Variants in PAQR8 observed in about 807,000 individuals in gnomAD.
The protein encoded by PAQR8 is membrane progestin receptor beta.
In PAQR8, 17 loss-of-function variants were observed where a neutral mutation model predicts 25.2. That is an observed-to-expected ratio of 0.67 (90% CI 0.46 to 1.01). The LOEUF is 1.01. Ranked by LOEUF, PAQR8 falls within the 50% of genes least tolerant of loss-of-function variation. The pLI is 0.00. For missense variants in PAQR8, 392 were observed against 448.4 expected (o/e 0.87, Z 1.14); for synonymous variants, 204 against 190.6 (o/e 1.07, Z -0.58).
At chr6:52,401,294 A>G (rs932248325) in intron 1 of PAQR8, among the ~76,000 whole-genome samples, 2 of 152,284 alleles carry the variant, frequency 1.3e-5, no homozygotes, top group Admixed American at 1.3e-4. Context: ...TACTTGCTGT[A>G]TGTGCTTGCT....
Position 52,406,677 on chromosome 6 carries a change from C to G in PAQR8, c.*2399C>G, listed in dbSNP as rs970646980. The G allele has an allele frequency of 2.5e-6, 1 of 404,678 alleles. No homozygotes were observed. Among genetic ancestry groups the G allele is most frequent in the Non-Finnish European group, 4.4e-6 (1 of 225,250 alleles). 25.1% of individuals were successfully genotyped at this position (404,678 alleles called of 1,614,324 possible). ...TCCCCAGCTCAAGCAATCCTCCCAC[C>G]TCAGCCTCCTAAGTACCTGGTACTA... On this transcript the variant is annotated 3_prime_UTR_variant, in exon 2 of 2. Coordinates refer to ENST00000442253, the MANE Select transcript of PAQR8 (RefSeq NM_133367.5).
chr6:52,385,596 A>G (rs1215011544), intron 1 of PAQR8, among the ~76,000 whole-genome samples: 1 of 152,142 alleles, frequency 6.6e-6, no homozygotes, highest in East Asian at 1.9e-4. Context: ...CAAAAGGAAA[A>G]CTATTGGCCA....
intron 1 of PAQR8, among the ~76,000 whole-genome samples, chr6:52,370,566 C>T (rs1763406893): frequency 6.6e-6 from 1 of 152,036 alleles, no homozygotes; most frequent in African/African-American, 2.4e-5. Context: ...AGGTGCAGTA[C>T]CCCTCAGTGT....
chr6:52,362,159 C>T lies in PAQR8; in HGVS notation c.-143C>T, dbSNP rs1275840438. ...CCGAGCCCGCCGCGGTCACAGCCAC[C>T]CGCGGGAAGCTCGTGGCCGGGACCC... On this transcript the variant is annotated 5_prime_UTR_variant, in exon 1 of 2. Coordinates refer to ENST00000442253, the MANE Select transcript of PAQR8 (RefSeq NM_133367.5). This position sits in a 1 kb window ranked among gnomAD's most constrained non-coding sequence, Gnocchi z 4.1. 1 of 151,822 alleles carries T rather than the reference C, an allele frequency of 6.6e-6. No homozygotes were observed. Among genetic ancestry groups the T allele is most frequent in the Non-Finnish European group, 1.5e-5 (1 of 67,968 alleles). The allele number at this position is 151,822 out of a possible 1,614,324, so 9.4% of individuals were successfully genotyped here. A position where few individuals can be genotyped will look rare whatever the true frequency, so the allele number is the denominator to read the frequency against.
intron 1 of PAQR8, among the ~76,000 whole-genome samples, chr6:52,379,096 C>CA (rs70977347): frequency 0.059 from 5,489 of 92,836 alleles, 156 homozygotes; most frequent in African/African-American, 0.066. Context: ...TACTCTTTAT[C>CA]AAAAAAAAAA....
rs1763883008 is a variant in PAQR8 at position 52,404,340 on chromosome 6, A to G, written c.*62A>G. 3.6e-6 allele frequency: 5 copies of G among 1,395,102 alleles called. No individual in the cohort carries two copies. The highest frequency in any genetic ancestry group is 2.5e-5 in the East Asian group (1 of 40,268). 86.4% of individuals were successfully genotyped at this position (1,395,102 alleles called of 1,614,324 possible). Reference sequence around the variant, plus strand: ...CATAATTTGGAGAAAACTTGATACAATAGAAGCTGACTTTTAAGGCATTGG... The same window carrying G: ...CATAATTTGGAGAAAACTTGATACAGTAGAAGCTGACTTTTAAGGCATTGG... On this transcript the variant is annotated 3_prime_UTR_variant, in exon 2 of 2. Coordinates refer to ENST00000442253, the MANE Select transcript of PAQR8 (RefSeq NM_133367.5).
intron 1 of PAQR8, among the ~76,000 whole-genome samples, chr6:52,368,946 G>A (rs763738191): frequency 6.6e-6 from 1 of 151,998 alleles, no homozygotes; most frequent in Non-Finnish European, 1.5e-5. Flanking sequence ...AGATCTGATG[G>A]TTTTTTAAGG....
In PAQR8 at chr6:52,403,856, G is replaced by C. The variant is rs911718095; in HGVS notation, c.643G>C (p.Val215Leu). 1.9e-6 allele frequency: 3 copies of C among 1,614,228 alleles called. No individual in the cohort carries two copies. The highest frequency in any genetic ancestry group is 2.5e-6 in the Non-Finnish European group (3 of 1,180,036). The change falls in exon 2 of 2, where the codon GTG becomes CTG. Residue 215 changes from valine (V) to leucine (L), a missense_variant. Physicochemically the swap from Val to Leu is conservative, Grantham distance 32. Coordinates refer to ENST00000442253, the MANE Select transcript of PAQR8 (RefSeq NM_133367.5). The part of the protein sequence containing the change: ...YPVMRKICQV[V>L]PAGLAFILDI... The stretch of plus-strand genomic sequence containing the variant: ...AGTCATGAGGAAGATCTGTCAAGTG[G>C]TGCCAGCAGGTCTGGCTTTTATCCT...
chr6:52,388,621 T>G (rs991130259), intron 1 of PAQR8, among the ~76,000 whole-genome samples: 16 of 152,320 alleles, frequency 1.1e-4, no homozygotes, highest in Admixed American at 3.3e-4. Flanking sequence ...AAGACAGTCA[T>G]GTTTGAACCA....
At chr6:52,378,930 C>G (rs1451255373) in intron 1 of PAQR8, among the ~76,000 whole-genome samples, 1 of 151,718 alleles carries the variant, frequency 6.6e-6, no homozygotes, top group Admixed American at 6.6e-5. Flanking sequence ...AACCCCTTCT[C>G]TACTAAAAAT....
In PAQR8 at chr6:52,406,139, A is replaced by T. The variant is rs1309474963; in HGVS notation, c.*1861A>T. On this transcript the variant is annotated 3_prime_UTR_variant, in exon 2 of 2. Transcript: ENST00000442253. Reference sequence around the variant, plus strand: ...GGACAAATTTATGGCAAATAAAATTAGCAAAACTGAACTGGGTTGAACTGA... The same window carrying T: ...GGACAAATTTATGGCAAATAAAATTTGCAAAACTGAACTGGGTTGAACTGA... 3.1e-5 allele frequency: 6 copies of T among 192,178 alleles called. No individual in the cohort carries two copies. Among genetic ancestry groups the T allele is most frequent in the Non-Finnish European group, 7.0e-5 (6 of 85,166 alleles). The allele number at this position is 192,178 out of a possible 1,614,324, so 11.9% of individuals were successfully genotyped here. A position where few individuals can be genotyped will look rare whatever the true frequency, so the allele number is the denominator to read the frequency against.
chr6:52,363,992 G>A (rs9382101), intron 1 of PAQR8, among the ~76,000 whole-genome samples: 13,195 of 150,960 alleles, frequency 0.087, 779 homozygotes, highest in African/African-American at 0.15. Context: ...ATTATGTATG[G>A]TAATTATTTC....
At chr6:52,377,597 C>T (rs930655385) in intron 1 of PAQR8, among the ~76,000 whole-genome samples, 8 of 152,012 alleles carry the variant, frequency 5.3e-5, no homozygotes, top group African/African-American at 1.9e-4. Context: ...AAATCAAATG[C>T]TATTAGGACT....
At chr6:52,379,976 G>T (rs1763539634) in intron 1 of PAQR8, among the ~76,000 whole-genome samples, 1 of 151,634 alleles carries the variant, frequency 6.6e-6, no homozygotes, top group Non-Finnish European at 1.5e-5. Context: ...GGCCAGGCTG[G>T]TCTTCAACTC....
chr6:52,364,084 T>TTTTTTTTTTTTTTG (rs1763323546), intron 1 of PAQR8, among the ~76,000 whole-genome samples: 2 of 26,146 alleles, frequency 7.6e-5, no homozygotes, highest in African/African-American at 1.3e-4. Flanking sequence ...GAAAGATATG[T>TTTTTTTTTTTTTTG]TTTTTTTTTT....
At chr6:52,374,472 G>T (rs1184179727) in intron 1 of PAQR8, among the ~76,000 whole-genome samples, 3 of 152,094 alleles carry the variant, frequency 2.0e-5, no homozygotes, top group African/African-American at 7.2e-5. Context: ...TAAGTACAGT[G>T]GTGTAATCAT....
chr6:52,403,573 C>A lies in PAQR8; in HGVS notation c.360C>A (p.Ile120=). ...TGCTCCTCTTCATCCTGTCGTCAAT[C>A]ACTTACCTCACCTGCAGCCTTCTGG... ...LPLLLFILSS[I]TYLTCSLLAH... is the part of the protein sequence containing the mutation. The change falls in exon 2 of 2, where the codon ATC becomes ATA. Residue 120 remains isoleucine (I), a synonymous_variant. Coordinates refer to ENST00000442253, the MANE Select transcript of PAQR8 (RefSeq NM_133367.5). 1 of 1,614,150 alleles carries A rather than the reference C, an allele frequency of 6.2e-7. No homozygotes were observed. The highest frequency in any genetic ancestry group is 2.2e-5 in the East Asian group (1 of 44,880).
In PAQR8 at chr6:52,377,841, T is replaced by C. The variant is rs1763502920; in HGVS notation, c.-53+15592T>C. Among the ~76,000 whole-genome samples the C allele has an allele frequency of 2.6e-5, 4 of 152,096 alleles. No individual in the cohort carries two copies. The South Asian group carries it at 8.3e-4, about 32-fold the overall frequency. On this transcript the variant is annotated intron_variant, in intron 1 of 1. Coordinates refer to ENST00000442253, the MANE Select transcript of PAQR8 (RefSeq NM_133367.5). ...ATCTTCTTCGCATTGGTATCTCTAT[T>C]AGCCAAACTTTATATGGAAAGAGAT...
intron 1 of PAQR8, among the ~76,000 whole-genome samples, chr6:52,379,739 G>A (rs1201728766): frequency 6.7e-6 from 1 of 148,980 alleles, no homozygotes; most frequent in Non-Finnish European, 1.5e-5. Context: ...CCATTCTCCT[G>A]CTTCAGCCTC....
Sources: gnomAD v4.1 joint callset for allele counts (sites outside exome capture counted in the v4.1 genomes callset) on GRCh38, gnomAD v4.1.1 for gene constraint, Gnocchi (gnomAD v3.1) non-coding constraint, MANE v1.5 for transcripts, NCBI Gene and HGNC (gene_info 2026-07-23, HGNC 2026-07-21) for gene names.